Variants in ZFYVE26 observed in about 807,000 individuals in gnomAD.
The protein encoded by ZFYVE26 is zinc finger FYVE domain-containing protein 26.
In ZFYVE26, 181 loss-of-function variants were observed where a neutral mutation model predicts 276.5. That is an observed-to-expected ratio of 0.65 (90% CI 0.58 to 0.74). The LOEUF (loss-of-function observed/expected upper bound fraction) is 0.74. ZFYVE26 is among the 30% of genes least tolerant of loss of function. The pLI, the probability that ZFYVE26 is intolerant of heterozygous loss-of-function variation, is 0.00. For synonymous variants in ZFYVE26, 1,129 were observed against 1,203.1 expected (o/e 0.94, Z 1.27); for missense variants, 2,821 against 3,097.9 (o/e 0.91, Z 2.12).
At chr14:67,784,986 G>T in intron 19 of ZFYVE26, 73 bp downstream of exon 19, 1 of 1,482,278 alleles carries the variant, frequency 6.7e-7, no homozygotes, top group Non-Finnish European at 9.4e-7. Context: ...TTTCAATTGT[G>T]CATCTTTTCT....
At chr14:67,804,361 C>A in intron 8 of ZFYVE26, 97 bp from the exon 9 acceptor site, 7 of 1,422,236 alleles carry the variant, frequency 4.9e-6, no homozygotes, top group Non-Finnish European at 6.8e-6. Context: ...CTCTCTGGAC[C>A]ATAATGCCAC....
At chr14:67,805,777 C>T (rs964478010) in intron 6 of ZFYVE26, among the ~76,000 whole-genome samples, 159 bp from the exon 7 acceptor site, 1 of 152,164 alleles carries the variant, frequency 6.6e-6, no homozygotes, top group African/African-American at 2.4e-5. Flanking sequence ...GCCTGTAATC[C>T]CAGCACTTTG....
intron 36 of ZFYVE26, 114 bp from the exon 37 acceptor site, chr14:67,755,364 TC>T: frequency 8.2e-7 from 1 of 1,212,550 alleles, no homozygotes; most frequent in Non-Finnish European, 1.2e-6. Flanking sequence ...CAGCACCCAC[TC>T]CCACCACCAG....
At chr14:67,754,436 T>C (rs1373842844) in intron 37 of ZFYVE26, among the ~76,000 whole-genome samples, 1 of 152,208 alleles carries the variant, frequency 6.6e-6, no homozygotes, top group African/African-American at 2.4e-5. Flanking sequence ...TGGAACCAGA[T>C]AGGGTCCAGT....
intron 11 of ZFYVE26, 21 bp downstream of exon 11, chr14:67,797,993 C>T: frequency 6.2e-7 from 1 of 1,613,962 alleles, no homozygotes; most frequent in Non-Finnish European, 8.5e-7. Flanking sequence ...TCTGGTCCCA[C>T]CAGTTCCACC....
intron 10 of ZFYVE26, 146 bp from the exon 11 acceptor site, chr14:67,798,768 T>A (rs2040015806): frequency 1.9e-6 from 2 of 1,078,284 alleles, no homozygotes; most frequent in African/African-American, 1.6e-5. Flanking sequence ...GAGGTTACAG[T>A]GAGAAGAATA....
intron 13 of ZFYVE26, among the ~76,000 whole-genome samples, chr14:67,737,530 A>T (rs2038366377): frequency 6.6e-6 from 1 of 152,174 alleles, no homozygotes; most frequent in South Asian, 2.1e-4. Context: ...CTCATGATTC[A>T]GTCAACTCCC....
rs1057518016 is a variant in ZFYVE26, at chr14:67,797,750, G to A, written c.2254C>T (p.Gln752Ter). The change falls in exon 12 of 42, where the codon CAA (glutamine) becomes TAA (stop). Residue 752 changes from glutamine to a stop codon, truncating the protein, a stop_gained. Coordinates refer to ENST00000347230, the MANE Select transcript of ZFYVE26 (RefSeq NM_015346.4). LOFTEE classifies it high-confidence loss of function. The part of the protein sequence containing the change: ...VVTSNHRSEE[Q>*]PSRRYQPATR... ...GCAGGCTGGTATCTTCGGGAAGGTT[G>A]CTCCTCTGAAAGAGCAAACCCAATG... 4 of 1,614,056 alleles carry A rather than the reference G, an allele frequency of 2.5e-6. No individual in the cohort carries two copies. The highest frequency in any genetic ancestry group is 3.4e-6 in the Non-Finnish European group (4 of 1,180,032).
chr14:67,804,245 C>T lies in ZFYVE26; in HGVS notation c.1291G>A (p.Asp431Asn). Residue 431 changes from aspartate (D) to asparagine (N), a missense_variant, in exon 9 of 42, where the codon GAT becomes AAT. Physicochemically the swap from Asp to Asn is conservative, Grantham distance 23. Transcript: ENST00000347230. ...QQSSNPIPKR[D>N]LLYHLHGGDS... ...CCACCGTGTAAATGATACAACAGAT[C>T]TCTCTTTGGTATGGGGTTGCTGAAT... is the stretch of plus-strand genomic sequence containing the variant. 6.2e-7 allele frequency: 1 copy of T among 1,614,184 alleles called. No homozygotes were observed.
At chr14:67,765,320 A>G (rs1212336678) in intron 32 of ZFYVE26, among the ~76,000 whole-genome samples, 1 of 152,102 alleles carries the variant, frequency 6.6e-6, no homozygotes, top group Non-Finnish European at 1.5e-5. Flanking sequence ...GTTCTTCACC[A>G]TTTACATGGA....
At chr14:67,757,640 GTCTTTCTTTCTTTCTT>G (rs57285258) in intron 35 of ZFYVE26, among the ~76,000 whole-genome samples, 73,697 of 148,896 alleles carry the variant, frequency 0.49, 19,214 homozygotes, top group Non-Finnish European at 0.6. Context: ...AGATATTTTT[GTCTTTCTTTCTTTCTT>G]TCTTTCTTTC....
chr14:67,752,229 T>TG, intron 40 of ZFYVE26, 115 bp downstream of exon 40: 1 of 1,352,108 alleles, frequency 7.4e-7, no homozygotes, highest in Non-Finnish European at 1.0e-6. Flanking sequence ...GGGTTCAGAA[T>TG]GATAAAAGGA....
chr14:67,800,571 TG>T (rs1161387784), intron 10 of ZFYVE26, among the ~76,000 whole-genome samples: 1 of 152,216 alleles, frequency 6.6e-6, no homozygotes, highest in Non-Finnish European at 1.5e-5. Context: ...CCTTTCTGAC[TG>T]TCTAACTTTG....
chr14:67,802,918 C>G (rs185905067), intron 9 of ZFYVE26, among the ~76,000 whole-genome samples: 41 of 152,322 alleles, frequency 2.7e-4, no homozygotes, highest in African/African-American at 9.1e-4. Flanking sequence ...GTAAGTGTCT[C>G]TGTCCTGTGG....
rs765896620 is a variant in ZFYVE26, at chr14:67,776,041, G to A, written c.5040C>T (p.Phe1680=). The change falls in exon 26 of 42, where the codon TTC becomes TTT. Residue 1680 remains phenylalanine (F), a synonymous_variant. Transcript: ENST00000347230. ...TGTTCATAAGCAGCTGCTCCAGCAT[G>A]AACAGGGGGTTAGAGGACAAGTGGG... ...SYSHLSSNPL[F]MLEQLLMNMK... The A allele has an allele frequency of 5.6e-6, 9 of 1,614,222 alleles. No homozygotes were observed. In the South Asian group the frequency reaches 6.6e-5, roughly 12 times the overall value.
chr14:67,762,425 T>G lies in ZFYVE26; in HGVS notation c.6160-13A>C, dbSNP rs759043669. On this transcript the variant is annotated splice_polypyrimidine_tract_variant and intron_variant, in intron 33 of 41. Transcript: ENST00000347230. ...TCTTTGTGGAGACCTGGGAGAAAAA[T>G]TGCCCCTTTTAGTGAGTGGTAGCTA... The G allele has an allele frequency of 6.2e-7, 1 of 1,610,772 alleles. No homozygotes were observed. The highest frequency in any genetic ancestry group is 1.1e-5 in the South Asian group (1 of 90,580).
intron 10 of ZFYVE26, chr14:67,799,448 G>A (rs2040034648): frequency 1.2e-6 from 2 of 1,612,076 alleles, no homozygotes. Flanking sequence ...AAAGGAGTTG[G>A]GGCTTGATGA....
intron 7 of ZFYVE26, 49 bp from the exon 8 acceptor site, chr14:67,805,354 T>G (rs751945806): frequency 1.2e-6 from 2 of 1,613,560 alleles, no homozygotes; most frequent in East Asian, 4.5e-5. Context: ...GCACCTGGGG[T>G]TACAGATTAT....
Position 67,777,450 on chromosome 14 carries a change from G to A in ZFYVE26, c.4974+109C>T. On this transcript the variant is annotated intron_variant, in intron 25 of 41. Coordinates refer to ENST00000347230, the MANE Select transcript of ZFYVE26 (RefSeq NM_015346.4). The stretch of plus-strand genomic sequence containing the variant: ...AGCCATTGAAAAGGCAAGTTCTGAA[G>A]AAGAGCTAGGCTCGCAGTCTCTCCC... The A allele has an allele frequency of 2.5e-6, 4 of 1,572,850 alleles. No homozygotes were observed. In the South Asian group the frequency reaches 4.5e-5, roughly 18 times the overall value.
Sources: gnomAD v4.1 joint callset for allele counts (sites outside exome capture counted in the v4.1 genomes callset) on GRCh38, gnomAD v4.1.1 for gene constraint, MANE v1.5 for transcripts, NCBI Gene and HGNC (gene_info 2026-07-23, HGNC 2026-07-21) for gene names.